HTR6: variants seen among roughly 807,000 people sequenced by gnomAD.
HTR6 encodes 5-hydroxytryptamine (serotonin) receptor 6, G protein-coupled.
Under a neutral mutation model 17.4 loss-of-function variants are expected in HTR6, and 15 were observed. The observed-to-expected ratio is 0.86, with a 90% CI of 0.58 to 1.33. HTR6 has a LOEUF of 1.33. HTR6 is among the 40% of genes most tolerant of loss of function. The pLI is 0.00. For synonymous variants in HTR6, 326 were observed against 295.5 expected (o/e 1.10, Z -1.06); for missense variants, 578 against 616.0 (o/e 0.94, Z 0.65).
Position 19,666,540 on chromosome 1 carries a change from C to T in HTR6, c.714+73C>T. 8.9e-7 allele frequency: 1 copy of T among 1,123,936 alleles called. No homozygotes were observed. Among genetic ancestry groups the T allele is most frequent in the Non-Finnish European group, 1.3e-6 (1 of 799,412 alleles). 69.6% of individuals were successfully genotyped at this position (1,123,936 alleles called of 1,614,324 possible). A position where few individuals can be genotyped will look rare whatever the true frequency, so the allele number is the denominator to read the frequency against. On this transcript the variant is annotated intron_variant, in intron 1 of 2. Coordinates refer to ENST00000289753, the MANE Select transcript of HTR6 (RefSeq NM_000871.3). This position sits in a 1 kb window ranked among gnomAD's most constrained non-coding sequence, Gnocchi z 4.5. ...GAGCAGCCCCTGGGGACCCCCTGGG[C>T]ATCCCCACTTAGCACACATTTGCTC...
At chr1:19,678,519 A>T in intron 1 of HTR6, 48 bp from the exon 2 acceptor site, 1 of 1,608,952 alleles carries the variant, frequency 6.2e-7, no homozygotes, top group Non-Finnish European at 8.5e-7. Flanking sequence ...GATCAGGGTC[A>T]GACGGGGGCC....
rs908763415 is a variant in HTR6 at position 19,666,764 on chromosome 1, C to G, written c.714+297C>G. Among the ~76,000 whole-genome samples, 1 of 152,020 alleles carries G rather than the reference C, an allele frequency of 6.6e-6. No homozygotes were observed. Among genetic ancestry groups the G allele is most frequent in the African/African-American group, 2.4e-5 (1 of 41,382 alleles). ...TCTTCCCCATCATGGCAAATGGCACCATTGCGGCATCACATGCCAGGAACT... is the reference window on the plus strand; with the variant it reads ...TCTTCCCCATCATGGCAAATGGCACGATTGCGGCATCACATGCCAGGAACT... On this transcript the variant is annotated intron_variant, in intron 1 of 2. Transcript: ENST00000289753. The surrounding 1 kb of genome is among the most constrained non-coding windows in gnomAD (Gnocchi z 4.5).
intron 1 of HTR6, among the ~76,000 whole-genome samples, chr1:19,670,234 A>G (rs2095086507): frequency 6.6e-6 from 1 of 150,656 alleles, no homozygotes; most frequent in East Asian, 2.0e-4. Flanking sequence ...TCTCCCACTA[A>G]TTTCCATCAT....
chr1:19,666,215 C>A lies in HTR6; in HGVS notation c.462C>A (p.Ala154=). The A allele has an allele frequency of 1.2e-6, 2 of 1,609,212 alleles. No homozygotes were observed. Among genetic ancestry groups the A allele is most frequent in the Non-Finnish European group, 8.5e-7 (1 of 1,179,640 alleles). The change falls in exon 1 of 3, where the codon GCC becomes GCA. Residue 154 remains alanine, a synonymous_variant. Coordinates refer to ENST00000289753, the MANE Select transcript of HTR6 (RefSeq NM_000871.3). This position sits in a 1 kb window ranked among gnomAD's most constrained non-coding sequence, Gnocchi z 4.5. ...LALVLGAWSL[A]ALASFLPLLL... ...TAGTCCTGGGCGCCTGGAGCCTCGCCGCTCTCGCCTCCTTCCTGCCCCTGC... is the reference window on the plus strand; with the variant it reads ...TAGTCCTGGGCGCCTGGAGCCTCGCAGCTCTCGCCTCCTTCCTGCCCCTGC...
In HTR6 at chr1:19,678,583, G is replaced by A. The variant is rs763617024; in HGVS notation, c.731G>A (p.Arg244His). ...SETLQVPRTP[R>H]PGVESADSRR... ...TTTCCGCAGGTGCCCAGGACCCCAC[G>A]CCCAGGGGTGGAGTCTGCTGACAGC... Residue 244 changes from arginine to histidine, a missense_variant, in exon 2 of 3, where the codon CGC becomes CAC. Transcript: ENST00000289753. 21 of 1,612,484 alleles carry A rather than the reference G, an allele frequency of 1.3e-5. No individual in the cohort carries two copies. In the African/African-American group the frequency reaches 2.0e-4, roughly 15 times the overall value.
chr1:19,676,155 A>C (rs2095094189), intron 1 of HTR6, among the ~76,000 whole-genome samples: 1 of 152,188 alleles, frequency 6.6e-6, no homozygotes, highest in South Asian at 2.1e-4. Context: ...CTGAAACAGC[A>C]ACATGGCTAC....
intron 1 of HTR6, among the ~76,000 whole-genome samples, chr1:19,670,366 A>AC (rs1274605716): frequency 2.7e-5 from 4 of 149,568 alleles, no homozygotes; most frequent in Non-Finnish European, 5.9e-5. Flanking sequence ...AGCACCTCCT[A>AC]CCCCCTGACG....
chr1:19,676,234 G>A (rs560708327), intron 1 of HTR6, among the ~76,000 whole-genome samples: 78 of 152,212 alleles, frequency 5.1e-4, no homozygotes, highest in Middle Eastern at 3.4e-3. Flanking sequence ...TCACAGCGAC[G>A]CCGTAAGCTG....
chr1:19,665,680 G>T lies in HTR6; in HGVS notation c.-74G>T, dbSNP rs535641312. On this transcript the variant is annotated 5_prime_UTR_variant, in exon 1 of 3. Transcript: ENST00000289753. This position sits in a 1 kb window ranked among gnomAD's most constrained non-coding sequence, Gnocchi z 4.2. ...TGTTCTCACGGACGGTCCCCGTCCA[G>T]CCTGCGCTTCGCCGGGGCCCTCATC... The T allele has an allele frequency of 2.9e-6, 3 of 1,023,236 alleles. No homozygotes were observed. Among genetic ancestry groups the T allele is most frequent in the African/African-American group, 3.4e-5 (2 of 58,818 alleles). 63.4% of individuals were successfully genotyped at this position (1,023,236 alleles called of 1,614,324 possible).
intron 1 of HTR6, among the ~76,000 whole-genome samples, chr1:19,672,329 T>A (rs981568556): frequency 6.6e-6 from 1 of 151,972 alleles, no homozygotes; most frequent in Non-Finnish European, 1.5e-5. Context: ...CTCCCCCTCC[T>A]TTTTTCACCC....
chr1:19,670,816 A>G (rs2095087210), intron 1 of HTR6, among the ~76,000 whole-genome samples: 1 of 152,058 alleles, frequency 6.6e-6, no homozygotes, highest in Non-Finnish European at 1.5e-5. Flanking sequence ...CTGGCACATC[A>G]TGGGTGCTCA....
In HTR6 at chr1:19,678,585, C is replaced by G; in HGVS notation, c.733C>G (p.Pro245Ala). Residue 245 changes from proline (P) to alanine (A), a missense_variant, in exon 2 of 3, where the codon CCA (proline) becomes GCA (alanine). Transcript: ENST00000289753. ...ETLQVPRTPR[P>A]GVESADSRRL... ...TCCGCAGGTGCCCAGGACCCCACGC[C>G]CAGGGGTGGAGTCTGCTGACAGCAG... The G allele has an allele frequency of 6.2e-7, 1 of 1,612,632 alleles. No homozygotes were observed. Among genetic ancestry groups the G allele is most frequent in the East Asian group, 2.2e-5 (1 of 44,866 alleles).
Position 19,665,955 on chromosome 1 carries a change from C to G in HTR6, c.202C>G (p.Leu68Val). Residue 68 changes from leucine (L) to valine (V), a missense_variant, in exon 1 of 3, where the codon CTC becomes GTC. Transcript: ENST00000289753. This position sits in a 1 kb window ranked among gnomAD's most constrained non-coding sequence, Gnocchi z 4.2. Reference sequence around the variant, plus strand: ...CACGTCCAACTTCTTCCTGGTGTCGCTCTTCACGTCTGACCTGATGGTGGG... The same window carrying G: ...CACGTCCAACTTCTTCCTGGTGTCGGTCTTCACGTCTGACCTGATGGTGGG... Reference protein sequence around the residue: ...RNTSNFFLVSLFTSDLMVGLV... With the variant: ...RNTSNFFLVSVFTSDLMVGLV... 1.2e-6 allele frequency: 2 copies of G among 1,613,932 alleles called. No homozygotes were observed. Among genetic ancestry groups the G allele is most frequent in the Non-Finnish European group, 1.7e-6 (2 of 1,179,892 alleles).
rs2095080351 is a variant in HTR6 at position 19,665,612 on chromosome 1, TC to T, written c.-136del. On this transcript the variant is annotated 5_prime_UTR_variant, in exon 1 of 3. An upstream open reading frame in the 5' UTR gains an earlier in-frame stop. Coordinates refer to ENST00000289753, the MANE Select transcript of HTR6 (RefSeq NM_000871.3). This position sits in a 1 kb window ranked among gnomAD's most constrained non-coding sequence, Gnocchi z 4.2. ...GCGCGACCCAGCGCCCCCGCCCATG[TC>T]CCCCCACTCACCTCCCCCGGGGGGC... 1 of 597,270 alleles carries T rather than the reference TC, an allele frequency of 1.7e-6. No homozygotes were observed. Among genetic ancestry groups the T allele is most frequent in the Admixed American group, 3.2e-5 (1 of 31,474 alleles). The allele number at this position is 597,270 out of a possible 1,614,324, so 37.0% of individuals were successfully genotyped here.
Position 19,680,022 on chromosome 1 carries a change from G to A in HTR6, c.*654G>A, listed in dbSNP as rs1172275456. On this transcript the variant is annotated 3_prime_UTR_variant, in exon 3 of 3. Coordinates refer to ENST00000289753, the MANE Select transcript of HTR6 (RefSeq NM_000871.3). Reference sequence around the variant, plus strand: ...ATATATGTGGCAGCAGCTGCACCTGGGAGGCAGGCAGGCATGCATGTGGGC... The same window carrying A: ...ATATATGTGGCAGCAGCTGCACCTGAGAGGCAGGCAGGCATGCATGTGGGC... Among the ~76,000 whole-genome samples the A allele has an allele frequency of 2.6e-5, 4 of 152,186 alleles. No individual in the cohort carries two copies. The highest frequency in any genetic ancestry group is 5.9e-5 in the Non-Finnish European group (4 of 68,028).
intron 1 of HTR6, among the ~76,000 whole-genome samples, chr1:19,671,415 C>T (rs3790757): frequency 0.037 from 5,706 of 152,240 alleles, 270 homozygotes; most frequent in East Asian, 0.18. Context: ...CTTTCAAATC[C>T]ACTCGGCTCC....
intron 1 of HTR6, among the ~76,000 whole-genome samples, chr1:19,673,190 A>G (rs2095090348): frequency 6.6e-6 from 1 of 152,244 alleles, no homozygotes; most frequent in Non-Finnish European, 1.5e-5. Flanking sequence ...ATGTGCTGGC[A>G]CTGTTCTAAC....
intron 1 of HTR6, among the ~76,000 whole-genome samples, chr1:19,678,034 CCAGT>C (rs1403974442): frequency 5.9e-5 from 9 of 152,208 alleles, no homozygotes; most frequent in Non-Finnish European, 1.2e-4. Flanking sequence ...GCCACTGTGC[CCAGT>C]CAATTGCAAT....
rs1175228023 is a variant in HTR6 at position 19,678,668 on chromosome 1, C to T, written c.816C>T (p.Ile272=). Residue 272 remains isoleucine, a synonymous_variant, in exon 2 of 3, where the codon ATC becomes ATT. Transcript: ENST00000289753. ...TGAAGGCCAGCCTGACGCTGGGCAT[C>T]CTGCTGGGCATGTTCTTTGTGACCT... ...KALKASLTLG[I]LLGMFFVTWL... 1.2e-6 allele frequency: 2 copies of T among 1,613,866 alleles called. No homozygotes were observed. Among genetic ancestry groups the T allele is most frequent in the Non-Finnish European group, 8.5e-7 (1 of 1,179,938 alleles).
Sources: allele counts gnomAD v4.1 joint callset (sites outside exome capture counted in the v4.1 genomes callset), GRCh38; gene constraint gnomAD v4.1.1; non-coding constraint Gnocchi (gnomAD v3.1); transcripts MANE v1.5; gene names NCBI Gene and HGNC (gene_info 2026-07-23, HGNC 2026-07-21).